CACNA1E: variants seen among roughly 807,000 people sequenced by gnomAD.
The protein encoded by CACNA1E is calcium voltage-gated channel subunit alpha1 E, also known as voltage-dependent R-type calcium channel subunit alpha-1E.
Under a neutral mutation model 259.2 loss-of-function variants are expected in CACNA1E, and 40 were observed. The ratio of observed to expected loss-of-function variants is 0.15; its 90% CI spans 0.12 to 0.20. The LOEUF (loss-of-function observed/expected upper bound fraction) is 0.20, where lower values mean the gene tolerates loss of function less well. Ranked by LOEUF, CACNA1E falls within the 10% of genes least tolerant of loss-of-function variation. CACNA1E has a pLI of 1.00. For missense variants in CACNA1E, 1,874 were observed against 3,040.1 expected (o/e 0.62, Z 9.02); for synonymous variants, 1,104 against 1,138.5 (o/e 0.97, Z 0.61).
At chr1:181,350,886 G>A (rs983329216) in intron 1 of CACNA1E, among the ~76,000 whole-genome samples, 1 of 152,170 alleles carries the variant, frequency 6.6e-6, no homozygotes, top group African/African-American at 2.4e-5. Context: ...AGGGCGCAGG[G>A]GTGAACAAGA....
chr1:181,319,339 A>G (rs1650169852), intron 1 of CACNA1E, among the ~76,000 whole-genome samples: 3 of 152,196 alleles, frequency 2.0e-5, no homozygotes, highest in African/African-American at 7.2e-5. Context: ...CTTTATCTCC[A>G]CTGAGGTCAG....
intron 6 of CACNA1E, among the ~76,000 whole-genome samples, chr1:181,647,845 G>A (rs6692388): frequency 0.017 from 2,609 of 152,308 alleles, 79 homozygotes; most frequent in African/African-American, 0.059. Flanking sequence ...TGCAAGGGGA[G>A]TGGAAGCCAG....
intron 7 of CACNA1E, among the ~76,000 whole-genome samples, chr1:181,663,549 C>T (rs1278512423): frequency 6.6e-6 from 1 of 152,152 alleles, no homozygotes; most frequent in Admixed American, 6.5e-5. Flanking sequence ...GAAGGGAAAC[C>T]GAGTAACATC....
chr1:181,442,113 G>A (rs1660516347), intron 2 of CACNA1E, among the ~76,000 whole-genome samples: 4 of 152,172 alleles, frequency 2.6e-5, no homozygotes, highest in Non-Finnish European at 5.9e-5. Context: ...ATCTCACTTG[G>A]GGCATGGGGA....
chr1:181,452,403 G>A (rs1218815414), intron 2 of CACNA1E, among the ~76,000 whole-genome samples: 3 of 152,220 alleles, frequency 2.0e-5, no homozygotes. Flanking sequence ...CAGTCTTCAT[G>A]TCTGGGTCTT....
At chr1:181,787,745 C>T (rs539973690) in intron 43 of CACNA1E, among the ~76,000 whole-genome samples, 3 of 152,220 alleles carry the variant, frequency 2.0e-5, no homozygotes, top group Admixed American at 1.3e-4. Context: ...TTTAGAGAGT[C>T]CTTCCTGAGG....
chr1:181,641,189 G>C (rs1190964375), intron 6 of CACNA1E, among the ~76,000 whole-genome samples: 1 of 152,228 alleles, frequency 6.6e-6, no homozygotes, highest in Non-Finnish European at 1.5e-5. Context: ...TAATTGCTGG[G>C]GGAATTCTGG....
At chr1:181,605,562 G>A (rs1403723028) in intron 6 of CACNA1E, among the ~76,000 whole-genome samples, 1 of 152,158 alleles carries the variant, frequency 6.6e-6, no homozygotes, top group Non-Finnish European at 1.5e-5. Flanking sequence ...TATTCAAGGA[G>A]GCATGAAGAT....
chr1:181,751,171 T>C (rs1176948917), intron 26 of CACNA1E, among the ~76,000 whole-genome samples: 1 of 152,250 alleles, frequency 6.6e-6, no homozygotes, highest in Non-Finnish European at 1.5e-5. Context: ...TTGTGTGTTT[T>C]ATAAATGACA....
intron 43 of CACNA1E, among the ~76,000 whole-genome samples, chr1:181,788,405 A>C (rs79990769): frequency 0.036 from 5,517 of 152,276 alleles, 323 homozygotes; most frequent in African/African-American, 0.12. Flanking sequence ...TCGCTCCCTC[A>C]AATATGGTGG....
At chr1:181,393,734 C>T (rs905292702) in intron 1 of CACNA1E, among the ~76,000 whole-genome samples, 11 of 152,134 alleles carry the variant, frequency 7.2e-5, no homozygotes, top group South Asian at 2.1e-4. Context: ...CTGGGATTAC[C>T]GGCGTGTGCC....
chr1:181,798,614 C>A lies in CACNA1E; in HGVS notation c.6722C>A (p.Ala2241Asp), dbSNP rs771867476. The A allele has an allele frequency of 3.7e-6, 6 of 1,613,152 alleles. No homozygotes were observed. Among genetic ancestry groups the A allele is most frequent in the Non-Finnish European group, 5.1e-6 (6 of 1,179,710 alleles). Residue 2241 changes from alanine to aspartate, a missense_variant, in exon 48 of 48, where the codon GCC becomes GAC. Around this residue, in one of 14 missense-constraint regions of CACNA1E, gnomAD observed 542 missense variants for 587.2 expected, o/e 0.92. Transcript: ENST00000367573. The surrounding 1 kb of genome is among the most constrained non-coding windows in gnomAD (Gnocchi z 4.2). ...PYLALHEDSH[A>D]SDCGEEETLT... ...TTGGCCCTGCACGAAGACTCCCACGCCTCAGACTGTGGTGAGGAGGAGACG... is the reference window on the plus strand; with the variant it reads ...TTGGCCCTGCACGAAGACTCCCACGACTCAGACTGTGGTGAGGAGGAGACG...
In CACNA1E at chr1:181,501,921, A is replaced by G. The variant is rs1182055412; in HGVS notation, c.267-8556A>G. Among the ~76,000 whole-genome samples the G allele has an allele frequency of 2.0e-5, 3 of 152,232 alleles. No individual in the cohort carries two copies. The East Asian group carries it at 5.8e-4, about 29-fold the overall frequency. On this transcript the variant is annotated intron_variant, in intron 1 of 47. Coordinates refer to ENST00000367573, the MANE Select transcript of CACNA1E (RefSeq NM_001205293.3). The stretch of plus-strand genomic sequence containing the variant: ...TTTTTGTTTTGTTTTGTTTTAAAAA[A>G]AGAAAAGGGGTTTGGTTTTTTAGTC...
intron 27 of CACNA1E, among the ~76,000 whole-genome samples, chr1:181,752,536 A>G (rs1657686379): frequency 6.6e-6 from 1 of 152,156 alleles, no homozygotes; most frequent in Non-Finnish European, 1.5e-5. Context: ...GGGGCCTCCT[A>G]TGTCTATGTC....
Position 181,798,427 on chromosome 1 carries a change from G to C in CACNA1E, c.6535G>C (p.Ala2179Pro), listed in dbSNP as rs748177305. ...LLSYSSLIRH[A>P]GSISPPADGS... ...TTCCTACAGCTCCCTGATTCGACACGCGGGCAGCATCTCTCCACCTGCTGA... is the reference window on the plus strand; with the variant it reads ...TTCCTACAGCTCCCTGATTCGACACCCGGGCAGCATCTCTCCACCTGCTGA... The change falls in exon 48 of 48, where the codon GCG (alanine) becomes CCG (proline). Residue 2179 changes from alanine (A) to proline (P), a missense_variant. This residue lies in a region of CACNA1E where 542 missense variants were observed against 587.2 expected (regional missense o/e 0.92). Coordinates refer to ENST00000367573, the MANE Select transcript of CACNA1E (RefSeq NM_001205293.3). The surrounding 1 kb of genome is among the most constrained non-coding windows in gnomAD (Gnocchi z 4.2). The C allele has an allele frequency of 6.2e-7, 1 of 1,613,624 alleles. No homozygotes were observed. Among genetic ancestry groups the C allele is most frequent in the Admixed American group, 1.7e-5 (1 of 60,012 alleles).
intron 26 of CACNA1E, 117 bp downstream of exon 26, chr1:181,750,604 T>C: frequency 1.1e-6 from 1 of 930,202 alleles, no homozygotes; most frequent in Non-Finnish European, 1.7e-6. Context: ...TCAGTTTTTA[T>C]TTATATCCAA....
chr1:181,653,148 G>A lies in CACNA1E; in HGVS notation c.1055+1707G>A, dbSNP rs571485495. The stretch of plus-strand genomic sequence containing the variant: ...CCATAGCTCCGCGGCTTAAAACTGT[G>A]AGAGAAACTTCATTTTCTTATAGTT... On this transcript the variant is annotated intron_variant, in intron 7 of 47. Transcript: ENST00000367573. Among the ~76,000 whole-genome samples the A allele has an allele frequency of 2.6e-5, 4 of 152,194 alleles. No individual in the cohort carries two copies. The South Asian group carries it at 8.3e-4, about 32-fold the overall frequency.
At position 181,601,699 on chromosome 1, in the gene CACNA1E, G is replaced by T. The variant is rs560841654; in HGVS notation, c.951+20923G>T. ...ACCACCATCTCTTGCCTGAGTTAGTGCAGTCTCTCCCTGATTGCATCATTA... is the reference window on the plus strand; with the variant it reads ...ACCACCATCTCTTGCCTGAGTTAGTTCAGTCTCTCCCTGATTGCATCATTA... On this transcript the variant is annotated intron_variant, in intron 6 of 47. Transcript: ENST00000367573. Among the ~76,000 whole-genome samples the T allele has an allele frequency of 5.3e-5, 8 of 152,296 alleles. 1 individual carries two copies. The South Asian group carries it at 1.5e-3, about 28-fold the overall frequency.
At chr1:181,615,413 C>T (rs1026276919) in intron 6 of CACNA1E, among the ~76,000 whole-genome samples, 11 of 152,154 alleles carry the variant, frequency 7.2e-5, no homozygotes, top group African/African-American at 2.7e-4. Flanking sequence ...TGGTCTTGAA[C>T]TCCTGAGCTC....
Sources: gnomAD v4.1 joint callset for allele counts (sites outside exome capture counted in the v4.1 genomes callset) on GRCh38, gnomAD v4.1.1 for gene constraint, gnomAD v4.1.1 regional missense constraint, Gnocchi (gnomAD v3.1) non-coding constraint, MANE v1.5 for transcripts, NCBI Gene and HGNC (gene_info 2026-07-23, HGNC 2026-07-21) for gene names.